AMD1: variants seen among roughly 807,000 people sequenced by gnomAD.
The protein encoded by AMD1 is adenosylmethionine decarboxylase 1.
In AMD1, 11 loss-of-function variants were observed where a neutral mutation model predicts 40.2. That is an observed-to-expected ratio of 0.27 (90% confidence interval 0.17 to 0.45). The LOEUF is 0.45. Among genes scored for constraint, AMD1 ranks in the 20% least tolerant of loss-of-function variants. The pLI, the probability that AMD1 is intolerant of heterozygous loss-of-function variation, is 1.00. For synonymous variants in AMD1, 121 were observed against 130.8 expected (o/e 0.93, Z 0.51); for missense variants, 257 against 410.2 (o/e 0.63, Z 3.23).
At chr6:110,839,631 A>T in the AMD1 span, among the ~76,000 whole-genome samples, 1 of 152,184 alleles carries the variant, frequency 6.6e-6, no homozygotes, top group Non-Finnish European at 1.5e-5. Flanking sequence ...AAAAATAAAT[A>T]AATAAATAAA....
At chr6:110,858,248 A>C in the AMD1 span, 20 of 942,168 alleles carry the variant, frequency 2.1e-5, no homozygotes, top group Middle Eastern at 2.7e-4. Context: ...CATGAGCTCC[A>C]CGCAGTTCAA....
intron 1 of AMD1, among the ~76,000 whole-genome samples, chr6:110,876,404 C>T (rs1197742713): frequency 6.6e-6 from 1 of 152,200 alleles, no homozygotes; most frequent in African/African-American, 2.4e-5. Context: ...CACTCAGAGC[C>T]TGGCCCCAGG....
chr6:110,838,728 A>G, the AMD1 span, among the ~76,000 whole-genome samples: 1 of 152,058 alleles, frequency 6.6e-6, no homozygotes, highest in Non-Finnish European at 1.5e-5. Context: ...GCATGGTGGC[A>G]GGTGCATGTA....
the AMD1 span, among the ~76,000 whole-genome samples, chr6:110,860,870 C>CAGAGAGAGAG: frequency 7.0e-6 from 1 of 142,572 alleles, no homozygotes; most frequent in East Asian, 2.1e-4. Flanking sequence ...CACACACACA[C>CAGAGAGAGAG]AGAGAGAGAG....
chr6:110,873,281 T>C (rs1388856339), upstream of AMD1, among the ~76,000 whole-genome samples: 2 of 152,160 alleles, frequency 1.3e-5, no homozygotes, highest in African/African-American at 4.8e-5. Flanking sequence ...GGAGAATCGC[T>C]TGAACCCAGG....
At chr6:110,846,112 G>A in the AMD1 span, among the ~76,000 whole-genome samples, 24 of 152,162 alleles carry the variant, frequency 1.6e-4, 1 homozygote, top group South Asian at 4.1e-3. Flanking sequence ...GGTGGTGCAC[G>A]CATGTAATCC....
At chr6:110,885,191 A>G (rs1027311311) in intron 1 of AMD1, among the ~76,000 whole-genome samples, 20 of 152,224 alleles carry the variant, frequency 1.3e-4, no homozygotes, top group African/African-American at 4.8e-4. Flanking sequence ...ATCTCGGCTC[A>G]CTGCAATCTC....
chr6:110,831,006 A>C, the AMD1 span, among the ~76,000 whole-genome samples: 3 of 152,070 alleles, frequency 2.0e-5, no homozygotes, highest in Non-Finnish European at 4.4e-5. Flanking sequence ...ATGTTTCACA[A>C]GCATGTGTCT....
chr6:110,882,738 A>G (rs1042349270), intron 1 of AMD1, among the ~76,000 whole-genome samples: 1 of 152,158 alleles, frequency 6.6e-6, no homozygotes, highest in African/African-American at 2.4e-5. Context: ...TGATACTATG[A>G]TTGAAAAATT....
the AMD1 span, among the ~76,000 whole-genome samples, chr6:110,825,819 A>G: frequency 6.6e-6 from 1 of 152,300 alleles, no homozygotes; most frequent in East Asian, 1.9e-4. Flanking sequence ...TCTACTTAGT[A>G]CAGAGCTGCT....
the AMD1 span, among the ~76,000 whole-genome samples, chr6:110,818,780 C>T: frequency 6.6e-5 from 10 of 152,160 alleles, no homozygotes; most frequent in African/African-American, 1.4e-4. Context: ...TCAAGTGATC[C>T]GCCCACCTTG....
At position 110,893,990 on chromosome 6, in the gene AMD1, G is replaced by A. The variant is rs771477431; in HGVS notation, c.*374G>A. 4.8e-6 allele frequency: 1 copy of A among 207,862 alleles called. No homozygotes were observed. The highest frequency in any genetic ancestry group is 8.2e-5 in the South Asian group (1 of 12,248). The allele number at this position is 207,862 out of a possible 1,614,324, so 12.9% of individuals were successfully genotyped here. ...AAAATTCCCCACAGACAAGGCTTTC[G>A]TCCTCATTAGGTGTTGGCCTCAGCC... On this transcript the variant is annotated 3_prime_UTR_variant, in exon 9 of 9. Coordinates refer to ENST00000368885, the MANE Select transcript of AMD1 (RefSeq NM_001634.6).
At chr6:110,819,179 GAAA>G in the AMD1 span, among the ~76,000 whole-genome samples, 1 of 152,126 alleles carries the variant, frequency 6.6e-6, no homozygotes, top group Admixed American at 6.5e-5. Flanking sequence ...TCAACACGGA[GAAA>G]CCCCGTCTCT....
chr6:110,840,697 T>C, the AMD1 span, among the ~76,000 whole-genome samples: 32 of 132,034 alleles, frequency 2.4e-4, no homozygotes, highest in Admixed American at 2.1e-3. Context: ...TCCCAGGGTA[T>C]AGAGCAGGGC....
the AMD1 span, chr6:110,858,270 C>G: frequency 1.0e-6 from 1 of 958,886 alleles, no homozygotes; most frequent in Admixed American, 2.0e-5. Context: ...AAGGACCCCT[C>G]GTACGGGCTG....
intron 3 of AMD1, 127 bp downstream of exon 3, chr6:110,889,110 TGTTC>T: frequency 4.6e-6 from 5 of 1,098,128 alleles, no homozygotes; most frequent in African/African-American, 1.6e-5. Flanking sequence ...CGTGGTAAGG[TGTTC>T]ATACCTTAGG....
the AMD1 span, among the ~76,000 whole-genome samples, chr6:110,839,651 T>C: frequency 2.6e-5 from 4 of 152,086 alleles, no homozygotes; most frequent in African/African-American, 7.2e-5. Flanking sequence ...AATAAACAAA[T>C]GTTTTATGTA....
At chr6:110,883,720 T>G (rs909657826) in intron 1 of AMD1, among the ~76,000 whole-genome samples, 1 of 152,048 alleles carries the variant, frequency 6.6e-6, no homozygotes, top group Non-Finnish European at 1.5e-5. Flanking sequence ...GCCACCCAAG[T>G]AGCTGGGACT....
At chr6:110,837,749 T>TAA in the AMD1 span, among the ~76,000 whole-genome samples, 3 of 88,386 alleles carry the variant, frequency 3.4e-5, no homozygotes, top group South Asian at 4.5e-4. Context: ...AAAAAAAATA[T>TAA]ATATATATAT....
Sources: allele counts gnomAD v4.1 joint callset (sites outside exome capture counted in the v4.1 genomes callset), GRCh38; gene constraint gnomAD v4.1.1; transcripts MANE v1.5; gene names NCBI Gene and HGNC (gene_info 2026-07-23, HGNC 2026-07-21).